Variants in ZNF519 observed in about 807,000 individuals in gnomAD.
ZNF519 encodes similar to Zinc finger protein 85 (Zinc finger protein HPF4) (HTF1).
ZNF519 carries 7 observed loss-of-function variants against 7.4 expected under a neutral mutation model. That is an observed-to-expected ratio of 0.94 (90% CI 0.54 to 1.77). The LOEUF (loss-of-function observed/expected upper bound fraction) is 1.77, where lower values mean the gene tolerates loss of function less well. Ranked by LOEUF, ZNF519 falls within the 40% of genes most tolerant of loss-of-function variation. The pLI is 0.00. For missense variants in ZNF519, 586 were observed against 623.1 expected (o/e 0.94, Z 0.63); for synonymous variants, 179 against 203.3 (o/e 0.88, Z 1.02).
intron 1 of ZNF519, among the ~76,000 whole-genome samples, chr18:14,131,459 C>T (rs931465502): frequency 6.6e-6 from 1 of 152,184 alleles, no homozygotes; most frequent in Non-Finnish European, 1.5e-5. Flanking sequence ...CCAGGTTAGG[C>T]TGGCAGAACA....
Position 14,107,058 on chromosome 18 carries a change from T to C in ZNF519, c.131-649A>G, listed in dbSNP as rs139874712. On this transcript the variant is annotated intron_variant, in intron 2 of 2. Coordinates refer to ENST00000590202, the MANE Select transcript of ZNF519 (RefSeq NM_145287.4). ...ACTGCAACTCCCAGGTGAGTCCTAG[T>C]GCTGAACTGGGCTTAGAGCCAGTGG... Among the ~76,000 whole-genome samples the C allele has an allele frequency of 1.9e-3, 293 of 152,206 alleles. 2 individuals are homozygous for C. Among genetic ancestry groups the C allele is most frequent in the African/African-American group, 6.7e-3 (280 of 41,508 alleles).
intron 2 of ZNF519, chr18:14,121,782 T>C (rs1227342209): frequency 6.6e-6 from 1 of 152,160 alleles, no homozygotes; most frequent in Non-Finnish European, 1.5e-5. Context: ...CATATAGATA[T>C]ATCTCAATGA....
intron 3 of ZNF519, among the ~76,000 whole-genome samples, chr18:14,080,609 C>A (rs1028068819): frequency 6.6e-6 from 1 of 152,064 alleles, no homozygotes; most frequent in Non-Finnish European, 1.5e-5. Context: ...CATAAGCCAC[C>A]GTGCCCGGCT....
intron 3 of ZNF519, among the ~76,000 whole-genome samples, chr18:14,083,627 G>T (rs2143084093): frequency 6.6e-6 from 1 of 152,016 alleles, no homozygotes; most frequent in Admixed American, 6.5e-5. Context: ...CAACACTACA[G>T]GGCCAGGTGC....
At chr18:14,111,719 C>A (rs537045156) in intron 2 of ZNF519, among the ~76,000 whole-genome samples, 1 of 152,056 alleles carries the variant, frequency 6.6e-6, no homozygotes, top group African/African-American at 2.4e-5. Context: ...TAGAACCTAA[C>A]AAGATTGAAC....
rs143173217 is a variant in ZNF519 at position 14,125,280 on chromosome 18, T to A, written c.4-804A>T. On this transcript the variant is annotated intron_variant, in intron 1 of 2. Transcript: ENST00000590202. ...ACAAAGGCAGGAGATAATGGCAATGTCTGAATAAGTCTGCAGTTGAAAAAC... is the reference window on the plus strand; with the variant it reads ...ACAAAGGCAGGAGATAATGGCAATGACTGAATAAGTCTGCAGTTGAAAAAC... Among the ~76,000 whole-genome samples, 794 of 152,326 alleles carry A rather than the reference T, an allele frequency of 5.2e-3. 7 individuals carry two copies. The highest frequency in any genetic ancestry group is 0.018 in the African/African-American group (747 of 41,566).
At chr18:14,087,698 G>A (rs2046097202) in intron 2 of ZNF519, among the ~76,000 whole-genome samples, 1 of 152,186 alleles carries the variant, frequency 6.6e-6, no homozygotes, top group Non-Finnish European at 1.5e-5. Flanking sequence ...GCGTCCTTGT[G>A]TTGGATGTTT....
downstream of ZNF519, chr18:14,075,037 T>C (rs1220896780): frequency 6.6e-6 from 1 of 152,182 alleles, no homozygotes; most frequent in Non-Finnish European, 1.5e-5. Context: ...AGGTCTTACA[T>C]GGATGGGAGC....
chr18:14,101,851 T>A lies in ZNF519; in HGVS notation c.*3066A>T. ...TGACCTGGCCTCTTCTGTCGAGTCTTTCCATTCCCCAAATCAGGCACAGAC... is the reference window on the plus strand; with the variant it reads ...TGACCTGGCCTCTTCTGTCGAGTCTATCCATTCCCCAAATCAGGCACAGAC... On this transcript the variant is annotated 3_prime_UTR_variant, in exon 3 of 3. Transcript: ENST00000590202. The A allele has an allele frequency of 2.5e-6, 1 of 397,812 alleles. No individual in the cohort carries two copies. The highest frequency in any genetic ancestry group is 4.4e-6 in the Non-Finnish European group (1 of 225,836). 24.6% of individuals were successfully genotyped at this position (397,812 alleles called of 1,614,324 possible).
chr18:14,132,298 C>A lies in ZNF519; in HGVS notation c.-21G>T, dbSNP rs1395843473. On this transcript the variant is annotated 5_prime_UTR_variant, in exon 1 of 3. The change creates a new upstream start codon in the 5' untranslated region. Coordinates refer to ENST00000590202, the MANE Select transcript of ZNF519 (RefSeq NM_145287.4). ...ACCATTTCTCGGCTTCAGGGGTGTC[C>A]TGGAGTCTTAGCTATAAATCATTCA... 2 of 1,613,784 alleles carry A rather than the reference C, an allele frequency of 1.2e-6. No individual in the cohort carries two copies. Among genetic ancestry groups the A allele is most frequent in the Non-Finnish European group, 8.5e-7 (1 of 1,179,764 alleles).
At position 14,102,587 on chromosome 18, in the gene ZNF519, T is replaced by G. The variant is rs1434598174; in HGVS notation, c.*2330A>C. On this transcript the variant is annotated 3_prime_UTR_variant, in exon 3 of 3. Coordinates refer to ENST00000590202, the MANE Select transcript of ZNF519 (RefSeq NM_145287.4). ...CACATTTATGAATATATCTCTTATTTAGAGAATTACAATTTTAAACTATCA... is the reference window on the plus strand; with the variant it reads ...CACATTTATGAATATATCTCTTATTGAGAGAATTACAATTTTAAACTATCA... The G allele has an allele frequency of 2.0e-5, 3 of 152,194 alleles. No individual in the cohort carries two copies. Among genetic ancestry groups the G allele is most frequent in the Non-Finnish European group, 4.4e-5 (3 of 68,038 alleles). The allele number at this position is 152,194 out of a possible 1,614,324, so 9.4% of individuals were successfully genotyped here.
chr18:14,077,315 A>G lies in ZNF519; in HGVS notation c.*488T>C, dbSNP rs2046051316. 3 of 152,218 alleles carry G rather than the reference A, an allele frequency of 2.0e-5. No individual in the cohort carries two copies. In the South Asian group the frequency reaches 6.2e-4, roughly 32 times the overall value. 9.4% of individuals were successfully genotyped at this position (152,218 alleles called of 1,614,324 possible). On this transcript the variant is annotated 3_prime_UTR_variant and NMD_transcript_variant, in exon 5 of 5. Transcript: ENST00000587419. ...TAGCCCCAAAGAAGACCTTCTCCAG[A>G]CAGGAATACTTACTGTACCTCCCAA... is the stretch of plus-strand genomic sequence containing the variant.
intron 2 of ZNF519, among the ~76,000 whole-genome samples, chr18:14,114,796 C>A (rs766142141): frequency 5.9e-5 from 9 of 151,902 alleles, no homozygotes; most frequent in Non-Finnish European, 1.3e-4. Context: ...ACAAAAGGAA[C>A]GTAATTAGAT....
chr18:14,132,293 G>A lies in ZNF519; in HGVS notation c.-16C>T, dbSNP rs1459607964. 3 of 1,613,782 alleles carry A rather than the reference G, an allele frequency of 1.9e-6. No homozygotes were observed. The highest frequency in any genetic ancestry group is 1.7e-5 in the Admixed American group (1 of 59,994). On this transcript the variant is annotated 5_prime_UTR_variant, in exon 1 of 3. Transcript: ENST00000590202. ...CACTCACCATTTCTCGGCTTCAGGG[G>A]TGTCCTGGAGTCTTAGCTATAAATC...
At chr18:14,131,258 T>C (rs8085397) in intron 1 of ZNF519, among the ~76,000 whole-genome samples, 31,007 of 152,180 alleles carry the variant, frequency 0.2, 3,445 homozygotes, top group Middle Eastern at 0.24. Flanking sequence ...TTTTCTCATG[T>C]GAAATATTTG....
intron 2 of ZNF519, among the ~76,000 whole-genome samples, chr18:14,117,726 G>A (rs2046252278): frequency 6.6e-6 from 1 of 152,156 alleles, no homozygotes; most frequent in Non-Finnish European, 1.5e-5. Context: ...AGAAAGCAAA[G>A]AGGGAGTGAG....
At chr18:14,119,461 A>G (rs947815492) in intron 2 of ZNF519, among the ~76,000 whole-genome samples, 2 of 152,220 alleles carry the variant, frequency 1.3e-5, no homozygotes, top group African/African-American at 4.8e-5. Flanking sequence ...ACAATTAGGC[A>G]AGGAAAGAAC....
intron 1 of ZNF519, among the ~76,000 whole-genome samples, chr18:14,130,052 C>T (rs961730487): frequency 2.6e-5 from 4 of 152,078 alleles, no homozygotes; most frequent in Admixed American, 1.3e-4. Flanking sequence ...ATCAGCTTAA[C>T]GAAAAGAGAC....
chr18:14,074,621 A>C (rs893537359), downstream of ZNF519: 7 of 152,620 alleles, frequency 4.6e-5, no homozygotes, highest in African/African-American at 1.7e-4. Flanking sequence ...TCTCTTTGCT[A>C]AAACATAACG....
Sources: gnomAD v4.1 joint callset for allele counts (sites outside exome capture counted in the v4.1 genomes callset) on GRCh38, gnomAD v4.1.1 for gene constraint, MANE v1.5 for transcripts, NCBI Gene and HGNC (gene_info 2026-07-23, HGNC 2026-07-21) for gene names.